The following SCD5 variants were observed in gnomAD, a reference collection of about 807,000 sequenced individuals.
The protein encoded by SCD5 is acyl-CoA-desaturase 4.
SCD5 carries 20 observed loss-of-function variants against 30.4 expected under a neutral mutation model. That is an observed-to-expected ratio of 0.66 (90% CI 0.46 to 0.96). The LOEUF (loss-of-function observed/expected upper bound fraction) is 0.96. SCD5 is among the 40% of genes least tolerant of loss of function. The probability of loss-of-function intolerance (pLI) is 0.00; values close to 1 mark genes in which losing one functional copy is unlikely to be tolerated. For synonymous variants in SCD5, 173 were observed against 176.4 expected, an observed-to-expected ratio of 0.98 and a Z score of 0.16; for missense variants, 381 against 443.3, an observed-to-expected ratio of 0.86 and a Z score of 1.26.
chr4:82,780,060 G>A (rs1042525130), intron 1 of SCD5, among the ~76,000 whole-genome samples: 1 of 152,236 alleles, frequency 6.6e-6, no homozygotes, highest in African/African-American at 2.4e-5. Context: ...GATTAAAAGA[G>A]TTATAATACA....
At chr4:82,788,797 TC>T (rs1357455595) in intron 1 of SCD5, among the ~76,000 whole-genome samples, 1 of 152,178 alleles carries the variant, frequency 6.6e-6, no homozygotes, top group Non-Finnish European at 1.5e-5. Context: ...AGCCTCTTTC[TC>T]CTTCCATAGG....
At chr4:82,679,220 A>AAAGAGAGAAAG (rs1553915588) in intron 3 of SCD5, among the ~76,000 whole-genome samples, 1 of 32,224 alleles carries the variant, frequency 3.1e-5, no homozygotes. Flanking sequence ...AAAAAGAAAG[A>AAAGAGAGAAAG]AAAGAAAGAA....
chr4:82,678,334 C>T (rs4693483), intron 3 of SCD5, among the ~76,000 whole-genome samples: 141,799 of 152,226 alleles, frequency 0.93, 66,105 homozygotes, highest in East Asian at 1. Flanking sequence ...TTTAGACATA[C>T]GTGCCGCCAA....
rs185884953 is a variant in SCD5, at chr4:82,741,860, G to C, written c.233-36447C>G. Among the ~76,000 whole-genome samples, 459 of 132,212 alleles carry C rather than the reference G, an allele frequency of 3.5e-3. 5 individuals are homozygous for C. The highest frequency in any genetic ancestry group is 0.012 in the African/African-American group (425 of 34,702). The allele number at this position is 132,212 out of a possible 152,430, so 86.7% of individuals were successfully genotyped here. ...AAAAGGGGTCAGAGTGGGCGGGGGGGGGGAGTGGGCAGATAGGTGAAGAGC... is the reference window on the plus strand; with the variant it reads ...AAAAGGGGTCAGAGTGGGCGGGGGGCGGGAGTGGGCAGATAGGTGAAGAGC... On this transcript the variant is annotated intron_variant, in intron 1 of 4. Coordinates refer to ENST00000319540, the MANE Select transcript of SCD5 (RefSeq NM_001037582.3).
chr4:82,637,326 C>A (rs1302297076), intron 3 of SCD5, among the ~76,000 whole-genome samples: 5 of 152,200 alleles, frequency 3.3e-5, no homozygotes, highest in African/African-American at 1.2e-4. Flanking sequence ...AAAACAAGTT[C>A]TCTGTCCATC....
At chr4:82,678,743 T>A (rs972819719) in intron 3 of SCD5, among the ~76,000 whole-genome samples, 1 of 152,182 alleles carries the variant, frequency 6.6e-6, no homozygotes, top group Non-Finnish European at 1.5e-5. Flanking sequence ...ATATATGAAA[T>A]AGAAAGAGAT....
At chr4:82,760,936 A>C (rs1754161115) in intron 1 of SCD5, among the ~76,000 whole-genome samples, 1 of 152,208 alleles carries the variant, frequency 6.6e-6, no homozygotes, top group Non-Finnish European at 1.5e-5. Context: ...ACACATAACA[A>C]GAGTGTGGGT....
chr4:82,713,736 G>A (rs1251805813), intron 1 of SCD5, among the ~76,000 whole-genome samples: 1 of 152,076 alleles, frequency 6.6e-6, no homozygotes, highest in African/African-American at 2.4e-5. Context: ...TTAAAATCAT[G>A]ACCACTAACC....
intron 1 of SCD5, among the ~76,000 whole-genome samples, chr4:82,745,144 G>A (rs1720953894): frequency 1.3e-5 from 2 of 152,202 alleles, no homozygotes; most frequent in Non-Finnish European, 1.5e-5. Context: ...GATGTCACAG[G>A]GTGGACCTTG....
intron 3 of SCD5, among the ~76,000 whole-genome samples, chr4:82,669,303 C>G: frequency 3.4e-5 from 1 of 29,026 alleles, no homozygotes; most frequent in East Asian, 1.4e-3. Context: ...GGCTACATAA[C>G]GTTAAAAAAA....
At chr4:82,706,710 C>A (rs1319953631) in intron 1 of SCD5, among the ~76,000 whole-genome samples, 1 of 152,230 alleles carries the variant, frequency 6.6e-6, no homozygotes, top group Non-Finnish European at 1.5e-5. Flanking sequence ...AATCTTGAGG[C>A]CAAGAAAGTG....
chr4:82,793,087 A>C (rs1015984396), intron 1 of SCD5, among the ~76,000 whole-genome samples: 1 of 152,210 alleles, frequency 6.6e-6, no homozygotes, highest in African/African-American at 2.4e-5. Context: ...ATTTGTTAAA[A>C]ATGCAAGAGT....
chr4:82,740,105 C>T (rs17006210), intron 1 of SCD5, among the ~76,000 whole-genome samples: 22,059 of 152,128 alleles, frequency 0.15, 2,839 homozygotes, highest in African/African-American at 0.35. Context: ...AACTTAAACT[C>T]GAGATAAGCA....
At chr4:82,712,277 T>TATAC (rs1720118075) in intron 1 of SCD5, among the ~76,000 whole-genome samples, 5 of 48,940 alleles carry the variant, frequency 1.0e-4, no homozygotes, top group African/African-American at 5.6e-4. Flanking sequence ...TATATATATA[T>TATAC]ATATATATAT....
At chr4:82,655,098 G>A (rs538107996) in intron 3 of SCD5, among the ~76,000 whole-genome samples, 1 of 152,184 alleles carries the variant, frequency 6.6e-6, no homozygotes, top group South Asian at 2.1e-4. Flanking sequence ...ATCCCCTTTG[G>A]TTCTTAATAT....
At chr4:82,737,577 C>A (rs1720778071) in intron 1 of SCD5, among the ~76,000 whole-genome samples, 3 of 152,274 alleles carry the variant, frequency 2.0e-5, no homozygotes, top group East Asian at 1.9e-4. Flanking sequence ...CTGAAGACAG[C>A]CTGATTTTTA....
rs16999007 is a variant in SCD5, at chr4:82,758,686, G to A, written c.232+39620C>T. Among the ~76,000 whole-genome samples the A allele has an allele frequency of 6.3e-3, 963 of 152,220 alleles. 10 individuals carry two copies. Among genetic ancestry groups the A allele is most frequent in the Middle Eastern group, 0.034 (10 of 294 alleles). ...GGTCAGCGGGACAGGATTTTGGTGCGGGTGAGGGACACAGGCTCTGTGAGC... is the reference window on the plus strand; with the variant it reads ...GGTCAGCGGGACAGGATTTTGGTGCAGGTGAGGGACACAGGCTCTGTGAGC... On this transcript the variant is annotated intron_variant, in intron 1 of 4. Transcript: ENST00000319540.
At chr4:82,757,509 G>A (rs768397668) in intron 1 of SCD5, among the ~76,000 whole-genome samples, 1 of 152,196 alleles carries the variant, frequency 6.6e-6, no homozygotes, top group African/African-American at 2.4e-5. Flanking sequence ...TACAGCTGAG[G>A]AAACCAAAAT....
chr4:82,698,444 G>C (rs1394982732), intron 2 of SCD5, among the ~76,000 whole-genome samples: 1 of 152,170 alleles, frequency 6.6e-6, no homozygotes, highest in African/African-American at 2.4e-5. Flanking sequence ...CTATTATCCT[G>C]AAACAGGCAC....
Sources: allele counts gnomAD v4.1 joint callset (sites outside exome capture counted in the v4.1 genomes callset), GRCh38; gene constraint gnomAD v4.1.1; transcripts MANE v1.5; gene names NCBI Gene and HGNC (gene_info 2026-07-23, HGNC 2026-07-21).